The following MCTP1 variants were observed in gnomAD, a reference collection of about 807,000 sequenced individuals.
MCTP1 encodes the protein multiple C2 and transmembrane domain-containing protein 1.
A neutral mutation model predicts 120.6 loss-of-function variants in MCTP1; 69 were observed. That is an observed-to-expected ratio of 0.57 (90% CI 0.47 to 0.70). The LOEUF (loss-of-function observed/expected upper bound fraction) is 0.70, where lower values mean the gene tolerates loss of function less well. Among genes scored for constraint, MCTP1 ranks in the 30% least tolerant of loss-of-function variants. The probability of loss-of-function intolerance (pLI) is 0.00; values close to 1 mark genes in which losing one functional copy is unlikely to be tolerated. For missense variants in MCTP1, 1,203 were observed against 1,248.8 expected, an observed-to-expected ratio of 0.96 and a Z score of 0.55; for synonymous variants, 529 against 493.1, an observed-to-expected ratio of 1.07 and a Z score of -0.96.
At chr5:94,997,079 ATTTTAGG>A (rs1832763196) in intron 2 of MCTP1, among the ~76,000 whole-genome samples, 1 of 152,106 alleles carries the variant, frequency 6.6e-6, no homozygotes, top group Non-Finnish European at 1.5e-5. Context: ...TTTTATGCCA[ATTTTAGG>A]TTTGTAGCAA....
At chr5:95,099,699 G>A (rs1187836011) in intron 1 of MCTP1, among the ~76,000 whole-genome samples, 28 of 151,724 alleles carry the variant, frequency 1.8e-4, no homozygotes, top group African/African-American at 6.5e-4. Context: ...TTCGACCATT[G>A]TGGAAGTCAG....
intron 17 of MCTP1, among the ~76,000 whole-genome samples, chr5:94,820,099 G>T (rs1785319866): frequency 6.6e-6 from 1 of 152,168 alleles, no homozygotes; most frequent in African/African-American, 2.4e-5. Flanking sequence ...TTGACTGACT[G>T]GATGCAAAGC....
intron 19 of MCTP1, among the ~76,000 whole-genome samples, chr5:94,775,825 T>C (rs1775170577): frequency 6.6e-6 from 1 of 151,638 alleles, no homozygotes; most frequent in African/African-American, 2.4e-5. Flanking sequence ...TAAACAAATG[T>C]GAACAATGGG....
At chr5:94,977,885 A>G (rs773395083) in intron 2 of MCTP1, among the ~76,000 whole-genome samples, 8 of 152,138 alleles carry the variant, frequency 5.3e-5, no homozygotes, top group Non-Finnish European at 1.2e-4. Context: ...AGTTTTGTCA[A>G]TGATTGCGTG....
intron 12 of MCTP1, among the ~76,000 whole-genome samples, chr5:94,875,529 G>A (rs113425439): frequency 0.017 from 2,618 of 152,122 alleles, 76 homozygotes; most frequent in African/African-American, 0.059. Flanking sequence ...TCTGATGGCT[G>A]CTATTTGGAA....
At chr5:94,769,291 G>A (rs1465518242) in intron 19 of MCTP1, among the ~76,000 whole-genome samples, 1 of 152,078 alleles carries the variant, frequency 6.6e-6, no homozygotes, top group Admixed American at 6.6e-5. Flanking sequence ...TAGATAGAAG[G>A]ACTAAGTCCT....
chr5:94,791,015 G>A (rs1255514294), intron 18 of MCTP1, among the ~76,000 whole-genome samples: 1 of 148,000 alleles, frequency 6.8e-6, no homozygotes, highest in Non-Finnish European at 1.5e-5. Context: ...CCTCGCGCCT[G>A]TAATCCCAGC....
At chr5:95,024,200 A>T (rs1322212718) in intron 1 of MCTP1, 1 of 292,646 alleles carries the variant, frequency 3.4e-6, no homozygotes, top group Non-Finnish European at 6.8e-6. Flanking sequence ...GCTTTCCTTG[A>T]TTTTTTTCTT....
intron 17 of MCTP1, chr5:94,826,336 G>C: frequency 1.8e-6 from 1 of 551,332 alleles, no homozygotes; most frequent in Non-Finnish European, 3.3e-6. Context: ...CTTCACAAAG[G>C]TTCCACTGAG....
At position 95,284,226 on chromosome 5, in the gene MCTP1, T is replaced by G; in HGVS notation, c.350A>C (p.Gln117Pro). ...LEPGGAGRAE[Q>P]GSTLRRRIRE... ...GATCCGGCGGCGTAGCGTGGACCCC[T>G]GCTCGGCTCTGCCGGCGCCGCCGGG... The change falls in exon 1 of 23, where the codon CAG becomes CCG. Residue 117 changes from glutamine to proline, a missense_variant. Physicochemically the swap from Gln to Pro is moderately conservative, Grantham distance 76. Coordinates refer to ENST00000515393, the MANE Select transcript of MCTP1 (RefSeq NM_024717.7). The surrounding 1 kb of genome is among the most constrained non-coding windows in gnomAD (Gnocchi z 5.2). 6.3e-7 allele frequency: 1 copy of G among 1,581,912 alleles called. No individual in the cohort carries two copies. The highest frequency in any genetic ancestry group is 8.5e-7 in the Non-Finnish European group (1 of 1,170,686).
chr5:94,765,954 C>G (rs1772583743), intron 19 of MCTP1, among the ~76,000 whole-genome samples: 1 of 151,828 alleles, frequency 6.6e-6, no homozygotes, highest in African/African-American at 2.4e-5. Flanking sequence ...AATTAGAAAA[C>G]CTAGAAGAGG....
At chr5:94,732,262 G>A (rs1218365746) in intron 19 of MCTP1, among the ~76,000 whole-genome samples, 1 of 152,140 alleles carries the variant, frequency 6.6e-6, no homozygotes, top group Non-Finnish European at 1.5e-5. Context: ...TGCAGCCAAG[G>A]ATGTCTTTGA....
chr5:94,871,161 T>C (rs1239958985), intron 14 of MCTP1, among the ~76,000 whole-genome samples, 154 bp downstream of exon 14: 1 of 151,940 alleles, frequency 6.6e-6, no homozygotes, highest in Non-Finnish European at 1.5e-5. Context: ...GGATTCAACA[T>C]GGCCGTGAAT....
At chr5:95,005,817 T>C (rs1172991723) in intron 2 of MCTP1, among the ~76,000 whole-genome samples, 6 of 151,670 alleles carry the variant, frequency 4.0e-5, no homozygotes, top group Non-Finnish European at 8.8e-5. Flanking sequence ...TATAGCAGTG[T>C]GGGAACATAT....
chr5:95,223,151 G>C (rs1438977895), intron 1 of MCTP1, among the ~76,000 whole-genome samples: 1 of 152,102 alleles, frequency 6.6e-6, no homozygotes, highest in Admixed American at 6.6e-5. Flanking sequence ...CCTCCAAGTT[G>C]ACATATAAAA....
At chr5:95,166,971 G>T (rs1358267578) in intron 1 of MCTP1, among the ~76,000 whole-genome samples, 2 of 148,698 alleles carry the variant, frequency 1.3e-5, no homozygotes, top group African/African-American at 5.0e-5. Flanking sequence ...CAATGTGCAG[G>T]TTTGTTACAT....
At chr5:94,845,666 TC>T (rs1224652960) in intron 17 of MCTP1, among the ~76,000 whole-genome samples, 2 of 152,038 alleles carry the variant, frequency 1.3e-5, no homozygotes, top group Non-Finnish European at 2.9e-5. Flanking sequence ...CACCTCAGTC[TC>T]TTGAGTAGCT....
intron 7 of MCTP1, among the ~76,000 whole-genome samples, chr5:94,919,370 A>G (rs1214395394): frequency 6.6e-6 from 1 of 152,170 alleles, no homozygotes; most frequent in African/African-American, 2.4e-5. Context: ...TTGTGATTTA[A>G]AAATGGAAAA....
intron 1 of MCTP1, among the ~76,000 whole-genome samples, chr5:95,069,971 G>A (rs1751721540): frequency 6.6e-6 from 1 of 152,092 alleles, no homozygotes; most frequent in Admixed American, 6.5e-5. Context: ...CCAAAGTGCT[G>A]GGATTACAAG....
Sources: allele counts gnomAD v4.1 joint callset (sites outside exome capture counted in the v4.1 genomes callset), GRCh38; gene constraint gnomAD v4.1.1; non-coding constraint Gnocchi (gnomAD v3.1); transcripts MANE v1.5; gene names NCBI Gene and HGNC (gene_info 2026-07-23, HGNC 2026-07-21).